ARNT2: variants seen among roughly 807,000 people sequenced by gnomAD.
ARNT2 encodes ARNT protein 2.
Under a neutral mutation model 91.7 loss-of-function variants are expected in ARNT2, and 36 were observed. The ratio of observed to expected loss-of-function variants is 0.39; its 90% CI spans 0.30 to 0.52. The LOEUF (loss-of-function observed/expected upper bound fraction) is 0.52, where lower values mean the gene tolerates loss of function less well. Ranked by LOEUF, ARNT2 falls within the 20% of genes least tolerant of loss-of-function variation. ARNT2 has a pLI of 0.72. For missense variants in ARNT2, 775 were observed against 939.3 expected (o/e 0.83, Z 2.29); for synonymous variants, 365 against 347.1 (o/e 1.05, Z -0.57).
At chr15:80,579,101 T>C (rs1229592649) in intron 15 of ARNT2, among the ~76,000 whole-genome samples, 1 of 152,200 alleles carries the variant, frequency 6.6e-6, no homozygotes, top group Non-Finnish European at 1.5e-5. Context: ...GCTGGCGCTT[T>C]GCCCCAAGAA....
In ARNT2 at chr15:80,586,181, A is replaced by G. The variant is rs78156237; in HGVS notation, c.1918+4777A>G. 5.7e-3 allele frequency among the ~76,000 whole-genome samples: 864 copies of G among 152,282 alleles called. 13 individuals carry two copies. The highest frequency in any genetic ancestry group is 0.02 in the African/African-American group (838 of 41,550). ...GGTTGCTTAAAGAGAAATGGCTCAA[A>G]GGTGCTGTAGCAGACCAGGTTTCAA... On this transcript the variant is annotated intron_variant, in intron 17 of 18. Transcript: ENST00000303329.
chr15:80,584,993 A>G (rs1416257066), intron 17 of ARNT2, among the ~76,000 whole-genome samples: 1 of 152,166 alleles, frequency 6.6e-6, no homozygotes, highest in African/African-American at 2.4e-5. Flanking sequence ...CAGACTCCTC[A>G]GGATAGCTTT....
intron 11 of ARNT2, among the ~76,000 whole-genome samples, chr15:80,562,393 G>C (rs1898380791): frequency 6.6e-6 from 1 of 152,204 alleles, no homozygotes; most frequent in African/African-American, 2.4e-5. Context: ...AAAGTTGTCT[G>C]ATCTTGGATG....
At chr15:80,451,886 C>G (rs926535902) in intron 2 of ARNT2, among the ~76,000 whole-genome samples, 3 of 152,244 alleles carry the variant, frequency 2.0e-5, no homozygotes, top group Admixed American at 1.3e-4. Flanking sequence ...ATTTGATAAA[C>G]AAGGTTTCTC....
intron 8 of ARNT2, among the ~76,000 whole-genome samples, chr15:80,521,553 T>C (rs945127530): frequency 3.3e-5 from 5 of 152,188 alleles, no homozygotes; most frequent in African/African-American, 9.7e-5. Flanking sequence ...ATAGCAATAA[T>C]AATTGTTACA....
chr15:80,497,875 T>C (rs1410751194), intron 5 of ARNT2, among the ~76,000 whole-genome samples: 1 of 152,182 alleles, frequency 6.6e-6, no homozygotes, highest in Non-Finnish European at 1.5e-5. Flanking sequence ...GGAGCAAGAA[T>C]TTAAGGGAGA....
At chr15:80,581,514 C>A in intron 17 of ARNT2, 110 bp downstream of exon 17, 1 of 1,423,202 alleles carries the variant, frequency 7.0e-7, no homozygotes, top group South Asian at 1.3e-5. Context: ...AAAACAAGGT[C>A]TGGAGGTTTC....
At chr15:80,589,702 G>A (rs1039611973) in intron 17 of ARNT2, among the ~76,000 whole-genome samples, 3 of 152,186 alleles carry the variant, frequency 2.0e-5, no homozygotes, top group African/African-American at 7.2e-5. Context: ...CGATGCTACT[G>A]TTTTAACTTT....
At chr15:80,457,523 GA>G (rs1896498117) in intron 2 of ARNT2, among the ~76,000 whole-genome samples, 1 of 152,144 alleles carries the variant, frequency 6.6e-6, no homozygotes, top group South Asian at 2.1e-4. Context: ...GATAAACTAA[GA>G]AAAAAGTCTT....
At chr15:80,593,579 C>G (rs1169211616) in intron 18 of ARNT2, 21 bp from the exon 19 acceptor site, 3 of 1,561,394 alleles carry the variant, frequency 1.9e-6, no homozygotes, top group South Asian at 2.3e-5. Flanking sequence ...CCCTGTGGCT[C>G]TCTTTTCCTC....
rs374909244 is a variant in ARNT2 at position 80,580,425 on chromosome 15, A to G, written c.1628A>G (p.His543Arg). 1 of 1,614,026 alleles carries G rather than the reference A, an allele frequency of 6.2e-7. No homozygotes were observed. The highest frequency in any genetic ancestry group is 8.5e-7 in the Non-Finnish European group (1 of 1,180,040). The change falls in exon 16 of 19, where the codon CAT becomes CGT. Residue 543 changes from histidine to arginine, a missense_variant. Coordinates refer to ENST00000303329, the MANE Select transcript of ARNT2 (RefSeq NM_014862.4). Reference sequence around the variant, plus strand: ...CTCTTTTCTAGCTCTTCAGTGGTTCATGTGCCTGGAGTGAATGATATTCAG... The same window carrying G: ...CTCTTTTCTAGCTCTTCAGTGGTTCGTGTGCCTGGAGTGAATGATATTCAG... ...SGKAFSSSVV[H>R]VPGVNDIQSS...
chr15:80,544,251 A>G (rs1164981035), intron 8 of ARNT2, among the ~76,000 whole-genome samples: 1 of 151,992 alleles, frequency 6.6e-6, no homozygotes, highest in Non-Finnish European at 1.5e-5. Context: ...TATGGGTTGT[A>G]TTTTCCAGCT....
chr15:80,412,893 C>T lies in ARNT2; in HGVS notation c.31+8347C>T, dbSNP rs188941279. On this transcript the variant is annotated intron_variant, in intron 1 of 18. Transcript: ENST00000303329. ...AGAGGCTCAGAGATTTATCTGGAGT[C>T]CCCAGCAGGTAGGTGGATGAGTAGG... Among the ~76,000 whole-genome samples, 450 of 152,272 alleles carry T rather than the reference C, an allele frequency of 3.0e-3. 2 individuals are homozygous for T. Among genetic ancestry groups the T allele is most frequent in the Non-Finnish European group, 4.3e-3 (290 of 68,034 alleles).
intron 4 of ARNT2, 33 bp downstream of exon 4, chr15:80,470,464 G>A (rs566920909): frequency 5.6e-6 from 9 of 1,601,824 alleles, no homozygotes; most frequent in African/African-American, 1.3e-5. Flanking sequence ...ATTGGAAAGC[G>A]GGGGGAATCC....
At position 80,432,331 on chromosome 15, in the gene ARNT2, A is replaced by G. The variant is rs58295421; in HGVS notation, c.32-18549A>G. 4.8e-3 allele frequency among the ~76,000 whole-genome samples: 726 copies of G among 152,280 alleles called. 8 individuals carry two copies. Among genetic ancestry groups the G allele is most frequent in the African/African-American group, 0.015 (632 of 41,546 alleles). On this transcript the variant is annotated intron_variant, in intron 1 of 18. Coordinates refer to ENST00000303329, the MANE Select transcript of ARNT2 (RefSeq NM_014862.4). ...TGATGCTTAGATCAGAGGTTGGCAA[A>G]TTATGGCCAATGGGCTGCATCTGCC... is the stretch of plus-strand genomic sequence containing the variant.
chr15:80,448,444 G>A (rs1896337355), intron 1 of ARNT2, among the ~76,000 whole-genome samples: 2 of 152,232 alleles, frequency 1.3e-5, no homozygotes, highest in Non-Finnish European at 2.9e-5. Context: ...TCTGTTGGAG[G>A]AAAGAAAGGA....
Position 80,575,120 on chromosome 15 carries a change from CA to C in ARNT2, c.1513+13del. The C allele has an allele frequency of 6.2e-7, 1 of 1,613,850 alleles. No homozygotes were observed. Among genetic ancestry groups the C allele is most frequent in the Non-Finnish European group, 8.5e-7 (1 of 1,179,826 alleles). On this transcript the variant is annotated intron_variant, in intron 14 of 18. Transcript: ENST00000303329. Reference sequence around the variant, plus strand: ...GCAGGAATTAGTGCATGTAAGTTTCCAAATGGTACTGAGGTTTTGAGAGTGT... The same window carrying C: ...GCAGGAATTAGTGCATGTAAGTTTCCAATGGTACTGAGGTTTTGAGAGTGT...
chr15:80,465,775 C>G (rs1172445080), intron 3 of ARNT2, among the ~76,000 whole-genome samples: 1 of 152,198 alleles, frequency 6.6e-6, no homozygotes, highest in Non-Finnish European at 1.5e-5. Context: ...TCAGCCAGGC[C>G]TGCGTGGGGA....
At position 80,509,376 on chromosome 15, in the gene ARNT2, A is replaced by T. The variant is rs536810142; in HGVS notation, c.725+1118A>T. Among the ~76,000 whole-genome samples the T allele has an allele frequency of 5.3e-5, 8 of 152,222 alleles. No individual in the cohort carries two copies. In the South Asian group the frequency reaches 1.7e-3, roughly 32 times the overall value. On this transcript the variant is annotated intron_variant, in intron 6 of 18. Transcript: ENST00000303329. ...ATGATCGCTTGAACCCAGGAGGCGG[A>T]GGTTGCAGAGAGCTGAGATCGCGCC...
Sources: allele counts gnomAD v4.1 joint callset (sites outside exome capture counted in the v4.1 genomes callset), GRCh38; gene constraint gnomAD v4.1.1; transcripts MANE v1.5; gene names NCBI Gene and HGNC (gene_info 2026-07-23, HGNC 2026-07-21).